The following DENND1B variants were observed in gnomAD, a reference collection of about 807,000 sequenced individuals.
DENND1B encodes DENN domain-containing protein 1B.
A neutral mutation model predicts 90.1 loss-of-function variants in DENND1B; 59 were observed. The ratio of observed to expected loss-of-function variants is 0.65; its 90% CI spans 0.53 to 0.81. The LOEUF (loss-of-function observed/expected upper bound fraction) is 0.81, where lower values mean the gene tolerates loss of function less well. Among genes scored for constraint, DENND1B ranks in the 40% least tolerant of loss-of-function variants. DENND1B has a pLI of 0.00. For synonymous variants in DENND1B, 337 were observed against 324.6 expected (o/e 1.04, Z -0.41); for missense variants, 862 against 912.6 (o/e 0.94, Z 0.71).
intron 7 of DENND1B, among the ~76,000 whole-genome samples, chr1:197,649,432 T>C (rs1416800290): frequency 6.6e-6 from 1 of 152,076 alleles, no homozygotes; most frequent in Non-Finnish European, 1.5e-5. Flanking sequence ...ACCACCTTAG[T>C]CTACTACTAA....
At chr1:197,661,627 A>C (rs928807287) in intron 5 of DENND1B, among the ~76,000 whole-genome samples, 1 of 152,044 alleles carries the variant, frequency 6.6e-6, no homozygotes, top group Non-Finnish European at 1.5e-5. Flanking sequence ...ACCTTATTTA[A>C]ATAAAGTGAG....
intron 3 of DENND1B, among the ~76,000 whole-genome samples, chr1:197,692,749 T>C (rs1658035044): frequency 6.6e-6 from 1 of 151,778 alleles, no homozygotes; most frequent in African/African-American, 2.4e-5. Context: ...ACAAGGGTCA[T>C]AGGGTATGAT....
At chr1:197,629,881 G>C (rs1351382652) in intron 10 of DENND1B, among the ~76,000 whole-genome samples, 1 of 151,892 alleles carries the variant, frequency 6.6e-6, no homozygotes, top group African/African-American at 2.4e-5. Flanking sequence ...TTAAGAAATG[G>C]GTCAAAAACT....
chr1:197,776,552 T>C (rs1657278563), upstream of DENND1B, among the ~76,000 whole-genome samples: 1 of 152,162 alleles, frequency 6.6e-6, no homozygotes, highest in African/African-American at 2.4e-5. Flanking sequence ...AGGTGGTTAC[T>C]TCAGACTTTA....
chr1:197,749,033 T>C (rs1653092879), intron 2 of DENND1B, among the ~76,000 whole-genome samples: 1 of 152,054 alleles, frequency 6.6e-6, no homozygotes, highest in Non-Finnish European at 1.5e-5. Context: ...TAACAGCAGA[T>C]TGGATACTGT....
intron 18 of DENND1B, among the ~76,000 whole-genome samples, chr1:197,544,840 G>T (rs113967088): frequency 1.2e-4 from 17 of 142,472 alleles, no homozygotes; most frequent in Non-Finnish European, 2.0e-4. Context: ...AGGAAGAGGA[G>T]GAAGAAGAGG....
intron 15 of DENND1B, among the ~76,000 whole-genome samples, chr1:197,561,973 T>C (rs1672206689): frequency 1.3e-5 from 2 of 151,868 alleles, no homozygotes; most frequent in Non-Finnish European, 2.9e-5. Flanking sequence ...TCTTTCTCTC[T>C]GTTTCCACTT....
chr1:197,645,868 T>A, intron 8 of DENND1B, 125 bp from the exon 9 acceptor site: 1 of 544,054 alleles, frequency 1.8e-6, no homozygotes, highest in Non-Finnish European at 3.1e-6. Context: ...ACATTCAGGA[T>A]TTGTTGAATT....
chr1:197,588,799 T>C (rs1045305737), intron 14 of DENND1B, among the ~76,000 whole-genome samples: 1 of 152,156 alleles, frequency 6.6e-6, no homozygotes, highest in Non-Finnish European at 1.5e-5. Context: ...TCAGAGTATA[T>C]TAACCATGGA....
chr1:197,658,967 G>A (rs1654129967), intron 5 of DENND1B, among the ~76,000 whole-genome samples: 2 of 150,354 alleles, frequency 1.3e-5, no homozygotes, highest in South Asian at 4.2e-4. Flanking sequence ...TTTTATGATA[G>A]CAAAATATTA....
At chr1:197,766,335 C>T (rs1180941855) in intron 2 of DENND1B, among the ~76,000 whole-genome samples, 2 of 152,184 alleles carry the variant, frequency 1.3e-5, no homozygotes, top group African/African-American at 4.8e-5. Flanking sequence ...TAAATGAACA[C>T]AAAGTTACAG....
At chr1:197,697,154 C>T (rs1434950290) in intron 3 of DENND1B, among the ~76,000 whole-genome samples, 1 of 150,596 alleles carries the variant, frequency 6.6e-6, no homozygotes, top group African/African-American at 2.4e-5. Context: ...GAAGTCTGAC[C>T]ATGCCCTCTC....
At chr1:197,702,788 C>T (rs1334964220) in intron 3 of DENND1B, among the ~76,000 whole-genome samples, 1 of 152,148 alleles carries the variant, frequency 6.6e-6, no homozygotes, top group Non-Finnish European at 1.5e-5. Context: ...ATCTACCCCT[C>T]AAGTGTTGTT....
At chr1:197,626,021 A>G (rs1053296100) in intron 10 of DENND1B, among the ~76,000 whole-genome samples, 7 of 151,968 alleles carry the variant, frequency 4.6e-5, no homozygotes, top group Admixed American at 2.6e-4. Context: ...GATTCATAAA[A>G]CAAGTCCTAA....
chr1:197,729,166 A>G (rs1661923930), intron 2 of DENND1B, among the ~76,000 whole-genome samples: 1 of 152,160 alleles, frequency 6.6e-6, no homozygotes, highest in Non-Finnish European at 1.5e-5. Context: ...GACAATAACC[A>G]TCGCTACCAA....
Position 197,683,975 on chromosome 1 carries a change from G to A in DENND1B, c.127-9806C>T, listed in dbSNP as rs372454591. 2.4e-4 allele frequency among the ~76,000 whole-genome samples: 37 copies of A among 152,236 alleles called. No homozygotes were observed. In the East Asian group the frequency reaches 2.7e-3, roughly 11 times the overall value. ...AGTTTTTGCGGCTGTTTTCAACTTC[G>A]GAGGTGCCCTAGGGCCTAATCAGTG... is the stretch of plus-strand genomic sequence containing the variant. On this transcript the variant is annotated intron_variant, in intron 3 of 22. Transcript: ENST00000620048.
At chr1:197,656,344 A>G (rs1030272583) in intron 6 of DENND1B, among the ~76,000 whole-genome samples, 2 of 152,168 alleles carry the variant, frequency 1.3e-5, no homozygotes, top group Non-Finnish European at 2.9e-5. Flanking sequence ...GAAAAACACA[A>G]TGTCAAGAGT....
At chr1:197,770,763 AATAT>A (rs1298519165) in intron 2 of DENND1B, among the ~76,000 whole-genome samples, 2 of 140,146 alleles carry the variant, frequency 1.4e-5, no homozygotes, top group Non-Finnish European at 3.1e-5. Flanking sequence ...AATATATATA[AATAT>A]ATATCTATAA....
chr1:197,722,850 T>C (rs1661309114), intron 2 of DENND1B, among the ~76,000 whole-genome samples: 2 of 152,154 alleles, frequency 1.3e-5, no homozygotes, highest in Non-Finnish European at 2.9e-5. Flanking sequence ...TGAAAATATG[T>C]CCATTTGTTC....
Sources: allele counts gnomAD v4.1 joint callset (sites outside exome capture counted in the v4.1 genomes callset), GRCh38; gene constraint gnomAD v4.1.1; transcripts MANE v1.5; gene names NCBI Gene and HGNC (gene_info 2026-07-23, HGNC 2026-07-21).